Variants in MAEA observed in about 807,000 individuals in gnomAD.
The protein encoded by MAEA is E3 ubiquitin-protein transferase MAEA.
A neutral mutation model predicts 46.2 loss-of-function variants in MAEA; 22 were observed. That is an observed-to-expected ratio of 0.48 (90% CI 0.34 to 0.68). The LOEUF (loss-of-function observed/expected upper bound fraction) is 0.68, where lower values mean the gene tolerates loss of function less well. Ranked by LOEUF, MAEA falls within the 30% of genes least tolerant of loss-of-function variation. The pLI, the probability that MAEA is intolerant of heterozygous loss-of-function variation, is 0.01. For synonymous variants in MAEA, 246 were observed against 222.6 expected (o/e 1.11, Z -0.94); for missense variants, 393 against 558.1 (o/e 0.70, Z 2.98).
intron 1 of MAEA, among the ~76,000 whole-genome samples, chr4:1,303,232 CAAAAA>C (rs71168823): frequency 0.12 from 8,096 of 65,674 alleles, 545 homozygotes; most frequent in East Asian, 0.46. Context: ...ACTAAAAATA[CAAAAA>C]AAAAAAAAAA....
At chr4:1,290,734 C>G (rs539719054) in intron 1 of MAEA, among the ~76,000 whole-genome samples, 1 of 152,232 alleles carries the variant, frequency 6.6e-6, no homozygotes, top group East Asian at 1.9e-4. Context: ...TAGTTTCTCT[C>G]TCCTCCCAGA....
At position 1,311,207 on chromosome 4, in the gene MAEA, A is replaced by G. The variant is rs750967472; in HGVS notation, c.70-772A>G. On this transcript the variant is annotated intron_variant, in intron 1 of 8. Transcript: ENST00000303400. The surrounding 1 kb of genome is among the most constrained non-coding windows in gnomAD (Gnocchi z 4.4). ...TGCGCTGTGTGGTGAGCTGCCGGCC[A>G]CCAGTGCAGCCAGGACCGCAGGTGG... Among the ~76,000 whole-genome samples the G allele has an allele frequency of 2.6e-5, 4 of 152,206 alleles. No individual in the cohort carries two copies. The highest frequency in any genetic ancestry group is 5.9e-5 in the Non-Finnish European group (4 of 68,034).
intron 3 of MAEA, among the ~76,000 whole-genome samples, chr4:1,317,249 C>T (rs59628962): frequency 1.5e-3 from 167 of 110,576 alleles, no homozygotes; most frequent in African/African-American, 5.1e-3. Context: ...CAGACTCACC[C>T]GCAGGCCCAC....
intron 6 of MAEA, among the ~76,000 whole-genome samples, chr4:1,333,411 C>G (rs1189789488): frequency 6.6e-6 from 1 of 152,096 alleles, no homozygotes; most frequent in Non-Finnish European, 1.5e-5. Flanking sequence ...CGGGGCCCAG[C>G]TTCCTTGCCT....
intron 4 of MAEA, among the ~76,000 whole-genome samples, chr4:1,324,320 G>C (rs573710286): frequency 1.9e-4 from 28 of 151,020 alleles, no homozygotes; most frequent in African/African-American, 6.8e-4. Context: ...AGTTGAGATT[G>C]GTTTGGATGA....
In MAEA at chr4:1,320,553, C is replaced by T. The variant is rs533713706; in HGVS notation, c.457-1828C>T. ...TCAGAAAAGAAATCATCAAAGCAAA[C>T]CTGCAAGAAAATGCTATGAAGGGGC... is the stretch of plus-strand genomic sequence containing the variant. On this transcript the variant is annotated intron_variant, in intron 3 of 8. Coordinates refer to ENST00000303400, the MANE Select transcript of MAEA (RefSeq NM_001017405.3). Among the ~76,000 whole-genome samples the T allele has an allele frequency of 2.7e-4, 40 of 146,452 alleles. 2 individuals carry two copies. Among genetic ancestry groups the T allele is most frequent in the African/African-American group, 8.6e-4 (33 of 38,574 alleles).
At chr4:1,312,984 A>AGGCC (rs1736703405) in intron 2 of MAEA, among the ~76,000 whole-genome samples, 1 of 152,238 alleles carries the variant, frequency 6.6e-6, no homozygotes, top group Admixed American at 6.5e-5. Context: ...AGTGTTGGCC[A>AGGCC]GGCCAGATGG....
intron 3 of MAEA, among the ~76,000 whole-genome samples, chr4:1,320,903 A>G (rs1738001616): frequency 6.6e-6 from 1 of 152,188 alleles, no homozygotes; most frequent in Admixed American, 6.5e-5. Context: ...GATCGAGACC[A>G]TCCTGGCTAA....
intron 1 of MAEA, among the ~76,000 whole-genome samples, chr4:1,299,112 C>T (rs1225570915): frequency 6.6e-6 from 1 of 152,172 alleles, no homozygotes; most frequent in Admixed American, 6.5e-5. Context: ...CTCTTGGGCT[C>T]AAGCATTCCT....
intron 3 of MAEA, 94 bp downstream of exon 3, chr4:1,315,694 C>G: frequency 8.0e-7 from 1 of 1,257,398 alleles, no homozygotes; most frequent in Non-Finnish European, 1.1e-6. Context: ...GCCTGTGTCC[C>G]TACATGCTTG....
chr4:1,337,391 T>C (rs530716960), intron 7 of MAEA: 1 of 262,434 alleles, frequency 3.8e-6, no homozygotes, highest in East Asian at 1.2e-4. Flanking sequence ...TGTGACCGAC[T>C]CTGTCTGCCT....
chr4:1,330,246 G>A (rs748154651), intron 5 of MAEA: 13 of 592,730 alleles, frequency 2.2e-5, no homozygotes, highest in Non-Finnish European at 2.5e-5. Flanking sequence ...GCTCCGTGCC[G>A]TCTGTCGCAC....
At chr4:1,297,390 C>G (rs907925282) in intron 1 of MAEA, among the ~76,000 whole-genome samples, 1 of 149,300 alleles carries the variant, frequency 6.7e-6, no homozygotes, top group African/African-American at 2.6e-5. Context: ...AGCGTTTACA[C>G]TTCAGCTCAT....
intron 3 of MAEA, among the ~76,000 whole-genome samples, chr4:1,317,043 C>A (rs1395687967): frequency 8.3e-6 from 1 of 119,976 alleles, no homozygotes; most frequent in East Asian, 2.2e-4. Flanking sequence ...CAGGCCCACC[C>A]GGTCCCACAC....
At chr4:1,292,964 G>T (rs1577115610) in intron 1 of MAEA, among the ~76,000 whole-genome samples, 1 of 146,292 alleles carries the variant, frequency 6.8e-6, no homozygotes, top group Admixed American at 7.1e-5. Flanking sequence ...CACAATCTCA[G>T]CTCACTGCAA....
In MAEA at chr4:1,339,146, G is replaced by A; in HGVS notation, c.1168G>A (p.Ala390Thr). Residue 390 changes from alanine to threonine, a missense_variant, in exon 9 of 9, where the codon GCC (alanine) becomes ACC (threonine). Physicochemically the swap from Ala to Thr is moderately conservative, Grantham distance 58. Around this residue, in one of 2 missense-constraint regions of MAEA, gnomAD observed 358 missense variants for 537.9 expected, o/e 0.67. Coordinates refer to ENST00000303400, the MANE Select transcript of MAEA (RefSeq NM_001017405.3). ...RTKEVFHFSQ[A>T]EKVYIM ...CAAAGAAGTCTTCCACTTCTCACAA[G>A]CCGAGAAGGTGTACATCATGTAGGC... 6.2e-7 allele frequency: 1 copy of A among 1,613,866 alleles called. No homozygotes were observed. The highest frequency in any genetic ancestry group is 8.5e-7 in the Non-Finnish European group (1 of 1,179,920).
At chr4:1,321,328 A>C (rs546654198) in intron 3 of MAEA, among the ~76,000 whole-genome samples, 1 of 152,340 alleles carries the variant, frequency 6.6e-6, no homozygotes, top group East Asian at 1.9e-4. Context: ...CAAACATGCA[A>C]GAAAACGCTA....
intron 1 of MAEA, among the ~76,000 whole-genome samples, chr4:1,307,297 T>C (rs1735926348): frequency 6.6e-6 from 1 of 151,804 alleles, no homozygotes; most frequent in Admixed American, 6.6e-5. Context: ...GGAAACTCCA[T>C]AGCCATTGAA....
At chr4:1,309,684 C>G in intron 1 of MAEA, 1 of 1,531,338 alleles carries the variant, frequency 6.5e-7, no homozygotes. Context: ...GAGGTGGGGT[C>G]TTCCAGTTGT....
Sources: gnomAD v4.1 joint callset for allele counts (sites outside exome capture counted in the v4.1 genomes callset) on GRCh38, gnomAD v4.1.1 for gene constraint, gnomAD v4.1.1 regional missense constraint, Gnocchi (gnomAD v3.1) non-coding constraint, MANE v1.5 for transcripts, NCBI Gene and HGNC (gene_info 2026-07-23, HGNC 2026-07-21) for gene names.